The following WWOX variants were observed in gnomAD, a reference collection of about 807,000 sequenced individuals.
WWOX encodes WW domain containing oxidoreductase.
A neutral mutation model predicts 46.2 loss-of-function variants in WWOX; 69 were observed. The observed-to-expected ratio is 1.49, with a 90% confidence interval of 1.23 to 1.82. The LOEUF (loss-of-function observed/expected upper bound fraction) is 1.82, where lower values mean the gene tolerates loss of function less well. Among genes scored for constraint, WWOX ranks in the 40% most tolerant of loss-of-function variants. The pLI, the probability that WWOX is intolerant of heterozygous loss-of-function variation, is 0.00. For synonymous variants in WWOX, 359 were observed against 202.6 expected, an observed-to-expected ratio of 1.77 and a Z score of -6.56; for missense variants, 919 against 542.6, an observed-to-expected ratio of 1.69 and a Z score of -6.89.
chr16:78,459,876 C>A (rs1320116262), intron 8 of WWOX, among the ~76,000 whole-genome samples: 1 of 151,784 alleles, frequency 6.6e-6, no homozygotes, highest in East Asian at 1.9e-4. Context: ...GCAATCATGG[C>A]TCACTGCAGT....
intron 8 of WWOX, among the ~76,000 whole-genome samples, chr16:78,880,429 C>T (rs2151214366): frequency 6.6e-6 from 1 of 152,168 alleles, no homozygotes; most frequent in East Asian, 1.9e-4. Flanking sequence ...TACAAATCCT[C>T]ATTCGGTATA....
rs574942202 is a variant in WWOX at position 78,469,568 on chromosome 16, T to G, written c.1056+36816T>G. On this transcript the variant is annotated intron_variant, in intron 8 of 8. Transcript: ENST00000566780. ...GTCATGGGGTGTGCAGAAGGGCTTT[T>G]GGATAAAAGGGGTCTAGTTAAGAGA... 1.1e-3 allele frequency among the ~76,000 whole-genome samples: 167 copies of G among 152,286 alleles called. 1 individual carries two copies. The highest frequency in any genetic ancestry group is 3.4e-3 in the Middle Eastern group (1 of 294).
intron 8 of WWOX, among the ~76,000 whole-genome samples, chr16:78,651,045 G>C (rs1381186075): frequency 6.6e-6 from 1 of 152,202 alleles, no homozygotes; most frequent in Non-Finnish European, 1.5e-5. Context: ...CTCCTTGACT[G>C]CTGAAGCCAT....
chr16:78,318,188 C>T lies in WWOX; in HGVS notation c.517-68672C>T, dbSNP rs75785517. Among the ~76,000 whole-genome samples, 2,314 of 151,738 alleles carry T rather than the reference C, an allele frequency of 0.015. 135 individuals are homozygous for T. In the South Asian group the frequency reaches 0.17, roughly 11 times the overall value. On this transcript the variant is annotated intron_variant, in intron 5 of 8. Transcript: ENST00000566780. The stretch of plus-strand genomic sequence containing the variant: ...TGACATGTAGTTGATCTTTACTTCC[C>T]GGGGGCAGAGGACCATAATTAAATG...
chr16:78,669,944 C>T (rs754011663), intron 8 of WWOX, among the ~76,000 whole-genome samples: 4 of 152,106 alleles, frequency 2.6e-5, no homozygotes, highest in Non-Finnish European at 4.4e-5. Context: ...TAGAACAAGT[C>T]CTCTCAAAAT....
At chr16:79,125,247 C>A (rs1249740770) in intron 8 of WWOX, among the ~76,000 whole-genome samples, 1 of 152,160 alleles carries the variant, frequency 6.6e-6, no homozygotes, top group African/African-American at 2.4e-5. Context: ...ATTCGATTGG[C>A]ATTTCCAGAG....
At chr16:78,932,934 T>A (rs554618675) in intron 8 of WWOX, among the ~76,000 whole-genome samples, 1 of 152,346 alleles carries the variant, frequency 6.6e-6, no homozygotes, top group Admixed American at 6.5e-5. Flanking sequence ...AGGTTGAACC[T>A]TGCTGCCTGC....
intron 8 of WWOX, among the ~76,000 whole-genome samples, chr16:78,652,716 T>C (rs1336083183): frequency 6.6e-6 from 1 of 152,170 alleles, no homozygotes; most frequent in Non-Finnish European, 1.5e-5. Context: ...AAATTTGTTC[T>C]TTTCAGATTT....
At chr16:78,356,577 C>A (rs76422161) in intron 5 of WWOX, among the ~76,000 whole-genome samples, 13 of 152,212 alleles carry the variant, frequency 8.5e-5, no homozygotes, top group African/African-American at 3.1e-4. Flanking sequence ...CTTTGAAAGA[C>A]TATCACATGG....
At chr16:79,083,776 T>A (rs1486828625) in intron 8 of WWOX, among the ~76,000 whole-genome samples, 5 of 152,186 alleles carry the variant, frequency 3.3e-5, no homozygotes, top group African/African-American at 1.2e-4. Context: ...AGCTCCGGAG[T>A]TCCCATCTGA....
At chr16:79,194,870 A>G (rs950047898) in intron 8 of WWOX, among the ~76,000 whole-genome samples, 30 of 152,122 alleles carry the variant, frequency 2.0e-4, no homozygotes, top group Non-Finnish European at 1.5e-5. Flanking sequence ...ATGCTCCCAG[A>G]GTCTATGCTT....
At chr16:78,295,184 G>T (rs184061330) in intron 5 of WWOX, among the ~76,000 whole-genome samples, 4 of 152,186 alleles carry the variant, frequency 2.6e-5, no homozygotes, top group African/African-American at 9.7e-5. Context: ...GGCTGAAGAT[G>T]TATCATCTAC....
intron 8 of WWOX, among the ~76,000 whole-genome samples, chr16:79,159,324 T>C (rs1456807456): frequency 6.6e-6 from 1 of 152,212 alleles, no homozygotes; most frequent in Admixed American, 6.5e-5. Flanking sequence ...TAAAGCAGTG[T>C]TAAATTTATT....
chr16:78,464,092 C>T (rs1338795891), intron 8 of WWOX, among the ~76,000 whole-genome samples: 1 of 152,048 alleles, frequency 6.6e-6, no homozygotes, highest in Non-Finnish European at 1.5e-5. Flanking sequence ...CCGGTCAGGA[C>T]CTGGGAAGGG....
chr16:78,971,509 C>T (rs903352592), intron 8 of WWOX, among the ~76,000 whole-genome samples: 2 of 148,648 alleles, frequency 1.3e-5, no homozygotes, highest in African/African-American at 5.0e-5. Context: ...TGTCGTAGGT[C>T]ATGTATCTAC....
At chr16:78,987,037 C>G (rs1272014044) in intron 8 of WWOX, among the ~76,000 whole-genome samples, 2 of 151,982 alleles carry the variant, frequency 1.3e-5, no homozygotes, top group Admixed American at 6.6e-5. Flanking sequence ...GGAAATGATC[C>G]TAGGGCTTTC....
intron 8 of WWOX, among the ~76,000 whole-genome samples, chr16:78,787,239 T>G (rs76588273): frequency 1.2e-3 from 186 of 152,302 alleles, no homozygotes; most frequent in Non-Finnish European, 1.8e-3. Flanking sequence ...ACGTTCACAA[T>G]ATCGTGCCAC....
intron 4 of WWOX, among the ~76,000 whole-genome samples, chr16:78,158,920 A>C (rs528607216): frequency 2.6e-5 from 4 of 152,046 alleles, no homozygotes; most frequent in African/African-American, 9.7e-5. Context: ...CCTTTGGCTA[A>C]TACCTCCTTG....
chr16:78,857,567 C>T (rs1168273029), intron 8 of WWOX, among the ~76,000 whole-genome samples: 5 of 152,138 alleles, frequency 3.3e-5, no homozygotes, highest in African/African-American at 1.2e-4. Flanking sequence ...AGCTGACTGT[C>T]GGTCAAGAGT....
Sources: allele counts gnomAD v4.1 joint callset (sites outside exome capture counted in the v4.1 genomes callset), GRCh38; gene constraint gnomAD v4.1.1; transcripts MANE v1.5; gene names NCBI Gene and HGNC (gene_info 2026-07-23, HGNC 2026-07-21).